Variants in SMARCC1 observed in about 807,000 individuals in gnomAD.
SMARCC1 encodes the protein SWI/SNF related BAF chromatin remodeling complex subunit C1.
A neutral mutation model predicts 147.4 loss-of-function variants in SMARCC1; 43 were observed. That is an observed-to-expected ratio of 0.29 (90% CI 0.23 to 0.38). SMARCC1 has a LOEUF of 0.38. Ranked by LOEUF, SMARCC1 falls within the 10% of genes least tolerant of loss-of-function variation. The pLI, the probability that SMARCC1 is intolerant of heterozygous loss-of-function variation, is 1.00. For synonymous variants in SMARCC1, 495 were observed against 484.4 expected (o/e 1.02, Z -0.29); for missense variants, 1,119 against 1,381.1 (o/e 0.81, Z 3.01).
intron 6 of SMARCC1, among the ~76,000 whole-genome samples, chr3:47,725,890 C>A (rs1005609329): frequency 6.6e-6 from 1 of 151,428 alleles, no homozygotes; most frequent in African/African-American, 2.4e-5. Flanking sequence ...GGTGAAACCC[C>A]GTCTCTACTA....
intron 25 of SMARCC1, among the ~76,000 whole-genome samples, chr3:47,611,039 T>G (rs1365610703): frequency 1.3e-5 from 2 of 152,242 alleles, no homozygotes; most frequent in Admixed American, 6.5e-5. Context: ...ATAATCTTTC[T>G]GGCACCCAAA....
At chr3:47,758,125 A>T (rs915255443) in intron 2 of SMARCC1, among the ~76,000 whole-genome samples, 12 of 152,140 alleles carry the variant, frequency 7.9e-5, no homozygotes, top group Non-Finnish European at 1.8e-4. Flanking sequence ...ATTATGAAAC[A>T]GCTATCGAAA....
intron 16 of SMARCC1, among the ~76,000 whole-genome samples, chr3:47,677,543 A>G (rs927918098): frequency 4.6e-5 from 7 of 151,132 alleles, no homozygotes; most frequent in Admixed American, 3.9e-4. Context: ...GGCTAAATTA[A>G]ATATTTTATT....
intron 21 of SMARCC1, among the ~76,000 whole-genome samples, chr3:47,659,823 C>T (rs1347672915): frequency 5.6e-5 from 7 of 126,118 alleles, no homozygotes; most frequent in Non-Finnish European, 1.6e-5. Context: ...GGCCAATAAA[C>T]ACATGATATT....
chr3:47,590,893 G>C (rs1237193008), intron 26 of SMARCC1, 56 bp from the exon 27 acceptor site: 2 of 1,457,696 alleles, frequency 1.4e-6, no homozygotes, highest in African/African-American at 2.9e-5. Flanking sequence ...GTAAGAAAGG[G>C]ATCAACTTAA....
intron 2 of SMARCC1, among the ~76,000 whole-genome samples, chr3:47,760,480 G>A (rs1447675443): frequency 1.3e-5 from 2 of 152,094 alleles, no homozygotes; most frequent in African/African-American, 2.4e-5. Flanking sequence ...TGGCCAACAT[G>A]GTGAAACCCA....
chr3:47,684,238 T>G (rs1450267203), intron 14 of SMARCC1, among the ~76,000 whole-genome samples: 1 of 98,452 alleles, frequency 1.0e-5, no homozygotes, highest in Non-Finnish European at 1.9e-5. Flanking sequence ...AGACTCCGTC[T>G]CAAAAAAAAA....
intron 2 of SMARCC1, among the ~76,000 whole-genome samples, chr3:47,763,790 C>T (rs2034803300): frequency 6.6e-6 from 1 of 151,860 alleles, no homozygotes; most frequent in Non-Finnish European, 1.5e-5. Flanking sequence ...ATGATTATAG[C>T]CCACTGCAGC....
intron 7 of SMARCC1, among the ~76,000 whole-genome samples, chr3:47,715,898 C>T (rs1273644567): frequency 6.6e-6 from 1 of 152,100 alleles, no homozygotes; most frequent in Non-Finnish European, 1.5e-5. Flanking sequence ...TCTCTTATTT[C>T]TTCACATCTC....
At chr3:47,716,356 T>C (rs563775859) in intron 7 of SMARCC1, among the ~76,000 whole-genome samples, 1 of 142,086 alleles carries the variant, frequency 7.0e-6, no homozygotes. Flanking sequence ...AGGTGGAGTT[T>C]GCAGTGAGCT....
chr3:47,593,582 T>C (rs138729605), intron 26 of SMARCC1, among the ~76,000 whole-genome samples: 1 of 152,312 alleles, frequency 6.6e-6, no homozygotes, highest in African/African-American at 2.4e-5. Flanking sequence ...AGGACAACTA[T>C]GAAACTGAAT....
intron 17 of SMARCC1, among the ~76,000 whole-genome samples, chr3:47,675,878 G>A (rs2033564943): frequency 6.6e-6 from 1 of 151,562 alleles, no homozygotes; most frequent in Non-Finnish European, 1.5e-5. Flanking sequence ...CCCAGAGGTG[G>A]AAGTTGCAGC....
At chr3:47,603,609 G>T (rs1204312684) in intron 26 of SMARCC1, 4 of 192,418 alleles carry the variant, frequency 2.1e-5, no homozygotes, top group Middle Eastern at 2.2e-3. Flanking sequence ...ATGTGCTTAA[G>T]AATTGGTTTC....
intron 21 of SMARCC1, among the ~76,000 whole-genome samples, chr3:47,655,074 T>G (rs543094145): frequency 5.9e-5 from 9 of 152,200 alleles, no homozygotes; most frequent in African/African-American, 1.7e-4. Context: ...GTAGGCCCTA[T>G]GCAAACTCAT....
At chr3:47,602,219 G>A (rs2032398695) in intron 26 of SMARCC1, among the ~76,000 whole-genome samples, 1 of 152,136 alleles carries the variant, frequency 6.6e-6, no homozygotes, top group Non-Finnish European at 1.5e-5. Flanking sequence ...TTGAGCCCAG[G>A]AATTCGAGGC....
intron 2 of SMARCC1, among the ~76,000 whole-genome samples, chr3:47,755,377 G>T (rs1318899845): frequency 6.7e-6 from 1 of 150,250 alleles, no homozygotes; most frequent in Non-Finnish European, 1.5e-5. Context: ...GCAGCCTGTA[G>T]TCCGAACTAC....
At chr3:47,620,250 C>T (rs902748854) in intron 25 of SMARCC1, among the ~76,000 whole-genome samples, 4 of 152,050 alleles carry the variant, frequency 2.6e-5, no homozygotes, top group Non-Finnish European at 5.9e-5. Context: ...ACTGCCTGAA[C>T]TCAGGAGTTC....
chr3:47,638,882 T>C (rs2033010267), intron 21 of SMARCC1, 102 bp from the exon 22 acceptor site: 1 of 810,068 alleles, frequency 1.2e-6, no homozygotes, highest in Non-Finnish European at 2.2e-6. Context: ...TATACAGTAA[T>C]ACATAACGAA....
chr3:47,634,628 T>C (rs2032944335), intron 24 of SMARCC1, among the ~76,000 whole-genome samples: 1 of 152,182 alleles, frequency 6.6e-6, no homozygotes, highest in Non-Finnish European at 1.5e-5. Context: ...AAATGCTAAA[T>C]TAACACAGAG....
Sources: gnomAD v4.1 joint callset for allele counts (sites outside exome capture counted in the v4.1 genomes callset) on GRCh38, gnomAD v4.1.1 for gene constraint, MANE v1.5 for transcripts, NCBI Gene and HGNC (gene_info 2026-07-23, HGNC 2026-07-21) for gene names.